LRP1B: variants seen among roughly 807,000 people sequenced by gnomAD.
The protein encoded by LRP1B is low-density lipoprotein receptor-related protein 1B.
A neutral mutation model predicts 556.6 loss-of-function variants in LRP1B; 217 were observed. The observed-to-expected ratio is 0.39, with a 90% confidence interval of 0.35 to 0.44. LRP1B has a LOEUF of 0.44. Ranked by LOEUF, LRP1B falls within the 20% of genes least tolerant of loss-of-function variation. LRP1B has a pLI of 1.00. For synonymous variants in LRP1B, 2,047 were observed against 1,865.8 expected (o/e 1.10, Z -2.50); for missense variants, 5,053 against 5,620.8 (o/e 0.90, Z 3.23).
intron 1 of LRP1B, among the ~76,000 whole-genome samples, chr2:142,108,003 A>G (rs936620504): frequency 6.6e-6 from 1 of 150,496 alleles, no homozygotes; most frequent in African/African-American, 2.4e-5. Flanking sequence ...CTTATGTCAT[A>G]TATGTTCATA....
rs1377625047 is a variant in LRP1B at position 141,909,524 on chromosome 2, ACATTTTTTTTT to A, written c.83-99134_83-99124del. Among the ~76,000 whole-genome samples, 4 of 104,524 alleles carry A rather than the reference ACATTTTTTTTT, an allele frequency of 3.8e-5. No individual in the cohort carries two copies. In the East Asian group the frequency reaches 9.0e-4, roughly 24 times the overall value. 68.6% of individuals were successfully genotyped at this position (104,524 alleles called of 152,430 possible). A position where few individuals can be genotyped will look rare whatever the true frequency, so the allele number is the denominator to read the frequency against. On this transcript the variant is annotated intron_variant, in intron 1 of 90. Coordinates refer to ENST00000389484, the MANE Select transcript of LRP1B (RefSeq NM_018557.3). ...TAATTTAATCAGACTAAGGTCTCAGACATTTTTTTTTTTTTTTTTTTTTTTTTTTTTTTTTT... is the reference window on the plus strand; with the variant it reads ...TAATTTAATCAGACTAAGGTCTCAGATTTTTTTTTTTTTTTTTTTTTTTTT...
intron 25 of LRP1B, among the ~76,000 whole-genome samples, chr2:140,877,159 T>C (rs958719792): frequency 1.3e-5 from 2 of 152,138 alleles, no homozygotes; most frequent in African/African-American, 4.8e-5. Context: ...CAACTTAAAC[T>C]TCAGAAGAAT....
chr2:140,711,225 C>T (rs1182584013), intron 37 of LRP1B, among the ~76,000 whole-genome samples: 2 of 152,022 alleles, frequency 1.3e-5, no homozygotes, highest in African/African-American at 4.8e-5. Flanking sequence ...TTATTTATTG[C>T]TTTACCACTG....
intron 3 of LRP1B, among the ~76,000 whole-genome samples, chr2:141,348,998 C>T (rs752530406): frequency 6.4e-4 from 97 of 151,990 alleles, no homozygotes; most frequent in Non-Finnish European, 1.1e-3. Context: ...GATTGTGAGG[C>T]TTCCCCAGCC....
At chr2:141,231,363 A>C (rs1450987778) in intron 5 of LRP1B, among the ~76,000 whole-genome samples, 1 of 152,198 alleles carries the variant, frequency 6.6e-6, no homozygotes, top group Admixed American at 6.5e-5. Context: ...AAACAATCCT[A>C]TAATTCATGC....
intron 6 of LRP1B, among the ~76,000 whole-genome samples, chr2:141,201,388 C>A (rs77510317): frequency 2.0e-5 from 3 of 152,056 alleles, no homozygotes; most frequent in Non-Finnish European, 2.9e-5. Context: ...TCTTATCTAT[C>A]CCCTACCAAG....
At chr2:141,778,906 A>AATTTACTT (rs1695157433) in intron 2 of LRP1B, among the ~76,000 whole-genome samples, 1 of 152,218 alleles carries the variant, frequency 6.6e-6, no homozygotes, top group Non-Finnish European at 1.5e-5. Context: ...TACTAAGCAG[A>AATTTACTT]AGTCCAGGAT....
chr2:140,991,224 G>A (rs1416393415), intron 16 of LRP1B, among the ~76,000 whole-genome samples: 1 of 152,126 alleles, frequency 6.6e-6, no homozygotes, highest in Non-Finnish European at 1.5e-5. Flanking sequence ...GCACTTCAGT[G>A]AGGCTTAATC....
At chr2:140,877,473 G>T (rs573143644) in intron 25 of LRP1B, among the ~76,000 whole-genome samples, 256 of 152,202 alleles carry the variant, frequency 1.7e-3, no homozygotes, top group Non-Finnish European at 3.0e-3. Context: ...TTCTCTGAAA[G>T]ATTTTAAAAA....
At chr2:141,654,761 C>T (rs1689939313) in intron 2 of LRP1B, among the ~76,000 whole-genome samples, 1 of 152,112 alleles carries the variant, frequency 6.6e-6, no homozygotes, top group Non-Finnish European at 1.5e-5. Context: ...CTAAGATGCA[C>T]ATGTACAATA....
chr2:141,458,891 T>A (rs777983729), intron 3 of LRP1B, among the ~76,000 whole-genome samples: 2 of 152,218 alleles, frequency 1.3e-5, no homozygotes, highest in African/African-American at 4.8e-5. Context: ...AATGGTTGAA[T>A]GTCTCAGACT....
At chr2:141,212,380 G>A (rs933748019) in intron 6 of LRP1B, among the ~76,000 whole-genome samples, 14 of 141,478 alleles carry the variant, frequency 9.9e-5, no homozygotes, top group Admixed American at 1.5e-4. Flanking sequence ...CTGGGTTCAC[G>A]CCATTCTCCT....
intron 18 of LRP1B, among the ~76,000 whole-genome samples, chr2:140,968,952 A>G (rs1452029357): frequency 6.6e-6 from 1 of 152,148 alleles, no homozygotes; most frequent in South Asian, 2.1e-4. Flanking sequence ...ACTTCCAACT[A>G]TGTGGTCAGT....
chr2:141,568,617 T>C (rs764820), intron 2 of LRP1B, among the ~76,000 whole-genome samples: 59,194 of 150,854 alleles, frequency 0.39, 13,632 homozygotes, highest in Non-Finnish European at 0.47. Context: ...ATCCATGATA[T>C]GGAATAGGCT....
At chr2:141,185,683 C>CAAAAAAAAAA (rs148935362) in intron 7 of LRP1B, among the ~76,000 whole-genome samples, 10 of 74,332 alleles carry the variant, frequency 1.3e-4, no homozygotes, top group African/African-American at 4.8e-4. Context: ...GAAAAACAAA[C>CAAAAAAAAAA]AAACAAAAAA....
chr2:141,362,467 A>G (rs1190715359), intron 3 of LRP1B, among the ~76,000 whole-genome samples: 1 of 152,226 alleles, frequency 6.6e-6, no homozygotes, highest in Non-Finnish European at 1.5e-5. Context: ...CGCAGAAGAA[A>G]GGAAACTCCG....
intron 60 of LRP1B, among the ~76,000 whole-genome samples, chr2:140,466,381 C>A (rs959222467): frequency 6.6e-6 from 1 of 151,768 alleles, no homozygotes; most frequent in Non-Finnish European, 1.5e-5. Flanking sequence ...TTTTTAAATC[C>A]AAACACAGAA....
intron 1 of LRP1B, among the ~76,000 whole-genome samples, chr2:141,929,912 C>CAAAAAAAAAAAAAAAAAAAAAAAAAA (rs70994467): frequency 9.6e-6 from 1 of 104,134 alleles, no homozygotes; most frequent in Admixed American, 1.2e-4. Flanking sequence ...CGGATGGAAA[C>CAAAAAAAAAAAAAAAAAAAAAAAAAA]AAAAAAAAAA....
At chr2:140,623,434 A>T (rs140478717) in intron 41 of LRP1B, among the ~76,000 whole-genome samples, 86 of 152,296 alleles carry the variant, frequency 5.6e-4, no homozygotes, top group Middle Eastern at 3.4e-3. Flanking sequence ...CACCAGATAA[A>T]AATTAAATAT....
Sources: gnomAD v4.1 joint callset for allele counts (sites outside exome capture counted in the v4.1 genomes callset) on GRCh38, gnomAD v4.1.1 for gene constraint, MANE v1.5 for transcripts, NCBI Gene and HGNC (gene_info 2026-07-23, HGNC 2026-07-21) for gene names.